The following SIPA1L1 variants were observed in gnomAD, a reference collection of about 807,000 sequenced individuals.
SIPA1L1 encodes signal-induced proliferation-associated 1-like protein 1.
In SIPA1L1, 26 loss-of-function variants were observed where a neutral mutation model predicts 162.7. The observed-to-expected ratio is 0.16, with a 90% CI of 0.12 to 0.22. The LOEUF (loss-of-function observed/expected upper bound fraction) is 0.22, where lower values mean the gene tolerates loss of function less well. SIPA1L1 is among the 10% of genes least tolerant of loss of function. The pLI is 1.00. For missense variants in SIPA1L1, 1,874 were observed against 2,241.0 expected, an observed-to-expected ratio of 0.84 and a Z score of 3.31; for synonymous variants, 829 against 837.4, an observed-to-expected ratio of 0.99 and a Z score of 0.17.
intron 2 of SIPA1L1, among the ~76,000 whole-genome samples, chr14:71,413,629 C>G (rs1394181573): frequency 6.6e-6 from 1 of 152,036 alleles, no homozygotes; most frequent in Non-Finnish European, 1.5e-5. Flanking sequence ...CCCAGCTACT[C>G]AGGAGGCTGA....
At chr14:71,718,768 C>CT (rs1344077797) in intron 17 of SIPA1L1, among the ~76,000 whole-genome samples, 3 of 152,140 alleles carry the variant, frequency 2.0e-5, no homozygotes, top group Admixed American at 6.5e-5. Flanking sequence ...TTTAAGTCAA[C>CT]ATTATGTTGC....
intron 2 of SIPA1L1, among the ~76,000 whole-genome samples, chr14:71,498,510 A>G (rs2049961338): frequency 6.6e-6 from 1 of 152,228 alleles, no homozygotes; most frequent in South Asian, 2.1e-4. Flanking sequence ...AGGAAAGTAC[A>G]TAAACTCTGT....
intron 2 of SIPA1L1, among the ~76,000 whole-genome samples, chr14:71,407,435 C>T (rs896552536): frequency 1.0e-4 from 15 of 150,104 alleles, no homozygotes; most frequent in Non-Finnish European, 2.1e-4. Flanking sequence ...TCCTTCCTTC[C>T]TTCCCCTCCC....
intron 13 of SIPA1L1, among the ~76,000 whole-genome samples, chr14:71,697,410 G>A (rs1462899697): frequency 6.6e-6 from 1 of 152,112 alleles, no homozygotes; most frequent in Non-Finnish European, 1.5e-5. Context: ...GAAAAAAATG[G>A]CTTCACCATG....
chr14:71,500,665 C>A (rs2050135595), intron 2 of SIPA1L1, among the ~76,000 whole-genome samples: 1 of 152,156 alleles, frequency 6.6e-6, no homozygotes, highest in Non-Finnish European at 1.5e-5. Context: ...TTTATAGCAG[C>A]ATTATTTGTG....
At chr14:71,527,383 T>A (rs2052991618) in intron 3 of SIPA1L1, among the ~76,000 whole-genome samples, 1 of 152,128 alleles carries the variant, frequency 6.6e-6, no homozygotes, top group Non-Finnish European at 1.5e-5. Context: ...TTTTTTAATT[T>A]TTTTGTAGTG....
intron 2 of SIPA1L1, among the ~76,000 whole-genome samples, chr14:71,488,627 G>A (rs751065780): frequency 1.3e-5 from 2 of 152,130 alleles, no homozygotes; most frequent in Non-Finnish European, 2.9e-5. Flanking sequence ...GAAATTCATG[G>A]TTTTCCTTTA....
At chr14:71,727,452 TA>T (rs1339883901) in intron 19 of SIPA1L1, among the ~76,000 whole-genome samples, 2 of 148,596 alleles carry the variant, frequency 1.3e-5, no homozygotes, top group Non-Finnish European at 3.0e-5. Context: ...TTTTTTTTTT[TA>T]AATCACACAT....
intron 2 of SIPA1L1, among the ~76,000 whole-genome samples, chr14:71,441,530 T>G (rs930812813): frequency 1.3e-5 from 2 of 152,212 alleles, no homozygotes; most frequent in Admixed American, 1.3e-4. Context: ...GAGCTTAAAG[T>G]GGTGGCATGG....
intron 22 of SIPA1L1, among the ~76,000 whole-genome samples, chr14:71,736,592 G>A (rs2085313872): frequency 6.6e-6 from 1 of 152,176 alleles, no homozygotes. Context: ...GGGATCATTT[G>A]TTATGAGTAT....
At chr14:71,543,897 T>TATGTGTATATATACATATATCATACGC in intron 4 of SIPA1L1, among the ~76,000 whole-genome samples, 1 of 114,008 alleles carries the variant, frequency 8.8e-6, no homozygotes, top group Non-Finnish European at 1.9e-5. Context: ...ATATCATACG[T>TATGTGTATATATACATATATCATACGC]ATATGTGTGT....
chr14:71,580,150 A>G (rs1345188017), intron 4 of SIPA1L1, among the ~76,000 whole-genome samples: 4 of 152,184 alleles, frequency 2.6e-5, no homozygotes, highest in African/African-American at 9.7e-5. Context: ...TTCTGCCCTC[A>G]AAGAAGAAAA....
intron 2 of SIPA1L1, among the ~76,000 whole-genome samples, chr14:71,442,172 C>CAAAAAA (rs368432068): frequency 3.8e-5 from 1 of 26,086 alleles, no homozygotes; most frequent in Non-Finnish European, 8.8e-5. Flanking sequence ...GACTCTGTCT[C>CAAAAAA]AAAAAAAAAA....
chr14:71,337,624 C>T (rs1431004727), intron 2 of SIPA1L1, among the ~76,000 whole-genome samples: 2 of 152,210 alleles, frequency 1.3e-5, no homozygotes, highest in African/African-American at 4.8e-5. Flanking sequence ...ATTCAATTAT[C>T]TCCCACCGGC....
chr14:71,417,572 C>T (rs1301839021), intron 2 of SIPA1L1, among the ~76,000 whole-genome samples: 1 of 146,770 alleles, frequency 6.8e-6, no homozygotes, highest in Non-Finnish European at 1.5e-5. Flanking sequence ...GGTCTTTATC[C>T]TCATTGTCTT....
At chr14:71,720,685 C>G (rs2083645603) in intron 17 of SIPA1L1, among the ~76,000 whole-genome samples, 1 of 151,996 alleles carries the variant, frequency 6.6e-6, no homozygotes. Flanking sequence ...CTGTCTTGAG[C>G]TCACTAGTTC....
chr14:71,391,635 G>C (rs898159546), intron 2 of SIPA1L1, among the ~76,000 whole-genome samples: 1 of 152,164 alleles, frequency 6.6e-6, no homozygotes, highest in East Asian at 1.9e-4. Context: ...AGCATGTTCT[G>C]CTCTGAGAAC....
At chr14:71,355,624 A>C (rs1187428614) in intron 2 of SIPA1L1, among the ~76,000 whole-genome samples, 4 of 152,240 alleles carry the variant, frequency 2.6e-5, no homozygotes, top group Non-Finnish European at 4.4e-5. Flanking sequence ...TTGCCAAGTT[A>C]CTGTCATCAG....
chr14:71,432,062 C>T (rs1308053639), intron 2 of SIPA1L1, among the ~76,000 whole-genome samples: 2 of 151,750 alleles, frequency 1.3e-5, no homozygotes, highest in Non-Finnish European at 2.9e-5. Context: ...TTCTTGCTTT[C>T]TTTTTTTCTT....
Sources: allele counts gnomAD v4.1 joint callset (sites outside exome capture counted in the v4.1 genomes callset), GRCh38; gene constraint gnomAD v4.1.1; transcripts MANE v1.5; gene names NCBI Gene and HGNC (gene_info 2026-07-23, HGNC 2026-07-21).